Variants in WDFY2 observed in about 807,000 individuals in gnomAD.
WDFY2 encodes the protein WD repeat and FYVE domain containing 2.
WDFY2 carries 36 observed loss-of-function variants against 56.4 expected under a neutral mutation model. The ratio of observed to expected loss-of-function variants is 0.64; its 90% confidence interval spans 0.49 to 0.84. The LOEUF (loss-of-function observed/expected upper bound fraction) is 0.84, where lower values mean the gene tolerates loss of function less well. WDFY2 is among the 40% of genes least tolerant of loss of function. WDFY2 has a pLI of 0.00. For synonymous variants in WDFY2, 176 were observed against 183.7 expected (o/e 0.96, Z 0.34); for missense variants, 444 against 512.2 (o/e 0.87, Z 1.29).
intron 9 of WDFY2, 67 bp downstream of exon 9, chr13:51,755,526 A>T (rs1279514817): frequency 2.3e-5 from 34 of 1,486,362 alleles, no homozygotes; most frequent in Non-Finnish European, 3.2e-5. Context: ...TGATCTTAGA[A>T]GAAATAACAC....
intron 3 of WDFY2, among the ~76,000 whole-genome samples, chr13:51,693,991 G>A (rs1434022339): frequency 1.3e-5 from 2 of 151,870 alleles, no homozygotes; most frequent in African/African-American, 4.8e-5. Flanking sequence ...TTTTATCAGA[G>A]ACTAGGATTG....
At position 51,694,015 on chromosome 13, in the gene WDFY2, T is replaced by G. The variant is rs796940863; in HGVS notation, c.280-9581T>G. 1.4e-3 allele frequency among the ~76,000 whole-genome samples: 208 copies of G among 152,168 alleles called. 1 individual carries two copies. The East Asian group carries it at 0.026, about 19-fold the overall frequency. On this transcript the variant is annotated intron_variant, in intron 3 of 11. Transcript: ENST00000298125. ...AGACTAGGATTGCAACCCCTGCCTTTTTTTGTTTTCCATTTGCTTGATAGA... is the reference window on the plus strand; with the variant it reads ...AGACTAGGATTGCAACCCCTGCCTTGTTTTGTTTTCCATTTGCTTGATAGA...
chr13:51,707,640 G>A (rs1042327318), intron 4 of WDFY2, among the ~76,000 whole-genome samples: 10 of 152,092 alleles, frequency 6.6e-5, no homozygotes, highest in Admixed American at 5.9e-4. Flanking sequence ...GAAAAAGAAA[G>A]TGATGCCAAA....
intron 2 of WDFY2, among the ~76,000 whole-genome samples, chr13:51,661,870 A>T (rs1442830565): frequency 1.3e-5 from 2 of 152,222 alleles, no homozygotes. Flanking sequence ...TTACAGGATC[A>T]AGCTGAACTT....
rs1410115321 is a variant in WDFY2 at position 51,695,752 on chromosome 13, G to GT, written c.280-7844_280-7843insT. Among the ~76,000 whole-genome samples the GT allele has an allele frequency of 2.2e-4, 34 of 152,372 alleles. 1 individual carries two copies. The highest frequency in any genetic ancestry group is 3.4e-3 in the Middle Eastern group (1 of 294). ...GACATTTAAGTCTGCAGAGGTTACT[G>GT]CTGTCTTTTTGTTTGTCTGCCCCCA... On this transcript the variant is annotated intron_variant, in intron 3 of 11. Coordinates refer to ENST00000298125, the MANE Select transcript of WDFY2 (RefSeq NM_052950.4).
chr13:51,758,363 C>A, intron 11 of WDFY2, 63 bp downstream of exon 11: 1 of 1,256,518 alleles, frequency 8.0e-7, no homozygotes, highest in Non-Finnish European at 1.1e-6. Flanking sequence ...ACAGGAGCAC[C>A]AAGAACATGG....
chr13:51,737,180 A>G (rs1952855168), intron 6 of WDFY2, among the ~76,000 whole-genome samples: 1 of 152,184 alleles, frequency 6.6e-6, no homozygotes, highest in South Asian at 2.1e-4. Context: ...GTAGTCGAAC[A>G]GATGCAGGCA....
intron 3 of WDFY2, among the ~76,000 whole-genome samples, chr13:51,689,791 A>G (rs985602139): frequency 1.3e-5 from 2 of 152,156 alleles, no homozygotes; most frequent in African/African-American, 4.8e-5. Context: ...TAATCTTTGA[A>G]CTCTGTAGGC....
At chr13:51,641,853 A>T (rs1004261276) in intron 1 of WDFY2, among the ~76,000 whole-genome samples, 51 of 147,770 alleles carry the variant, frequency 3.5e-4, no homozygotes, top group African/African-American at 9.4e-4. Flanking sequence ...AAAAAAAAAA[A>T]ATATTTTGTC....
intron 1 of WDFY2, among the ~76,000 whole-genome samples, chr13:51,629,826 C>CTTT (rs11432630): frequency 1.3e-3 from 160 of 125,106 alleles, no homozygotes; most frequent in African/African-American, 3.4e-3. Flanking sequence ...TCTTTCTTTT[C>CTTT]TTTTTTTTTT....
intron 4 of WDFY2, among the ~76,000 whole-genome samples, chr13:51,706,203 A>G (rs548334257): frequency 5.9e-5 from 9 of 152,218 alleles, no homozygotes; most frequent in Non-Finnish European, 1.2e-4. Context: ...ATAAAGTGAC[A>G]CTTCGTGTTG....
chr13:51,652,059 A>G (rs1379314835), intron 1 of WDFY2, among the ~76,000 whole-genome samples: 1 of 152,156 alleles, frequency 6.6e-6, no homozygotes, highest in Non-Finnish European at 1.5e-5. Context: ...GTAGGTCTCT[A>G]AGGACTTGCT....
intron 4 of WDFY2, among the ~76,000 whole-genome samples, chr13:51,710,885 T>C (rs1336901390): frequency 1.3e-5 from 2 of 152,192 alleles, no homozygotes; most frequent in Non-Finnish European, 2.9e-5. Context: ...ATATATTCAA[T>C]GCCATCTCCA....
intron 3 of WDFY2, among the ~76,000 whole-genome samples, chr13:51,684,718 A>G (rs1439003179): frequency 6.6e-6 from 1 of 152,060 alleles, no homozygotes; most frequent in African/African-American, 2.4e-5. Context: ...CTCTAACCTC[A>G]CGGTATCAGT....
chr13:51,746,521 C>G (rs752763677), intron 7 of WDFY2, among the ~76,000 whole-genome samples: 24 of 152,236 alleles, frequency 1.6e-4, no homozygotes, highest in Non-Finnish European at 3.4e-4. Flanking sequence ...GAGCATCATT[C>G]TCACACATGA....
chr13:51,756,763 T>C (rs1196926451), intron 10 of WDFY2: 6 of 530,298 alleles, frequency 1.1e-5, no homozygotes, highest in Non-Finnish European at 1.4e-5. Context: ...ACTTGAGAAT[T>C]ACCCAGGAGT....
chr13:51,592,927 A>T (rs1418178706), intron 1 of WDFY2, among the ~76,000 whole-genome samples: 2 of 152,220 alleles, frequency 1.3e-5, no homozygotes, highest in Non-Finnish European at 2.9e-5. Flanking sequence ...GTTCAAGACC[A>T]GCTGAGCAAG....
At chr13:51,747,885 C>G (rs1041806607) in intron 7 of WDFY2, among the ~76,000 whole-genome samples, 1 of 152,158 alleles carries the variant, frequency 6.6e-6, no homozygotes, top group African/African-American at 2.4e-5. Context: ...TCTAGGACCT[C>G]TCTGGGAAAT....
intron 1 of WDFY2, among the ~76,000 whole-genome samples, chr13:51,616,427 C>T (rs1411751228): frequency 6.6e-6 from 1 of 151,864 alleles, no homozygotes; most frequent in Non-Finnish European, 1.5e-5. Flanking sequence ...TTTTCAATTA[C>T]CTAGTACTCA....
Sources: gnomAD v4.1 joint callset for allele counts (sites outside exome capture counted in the v4.1 genomes callset) on GRCh38, gnomAD v4.1.1 for gene constraint, MANE v1.5 for transcripts, NCBI Gene and HGNC (gene_info 2026-07-23, HGNC 2026-07-21) for gene names.